STARD9: variants seen among roughly 807,000 people sequenced by gnomAD.
STARD9 encodes StAR related lipid transfer domain containing 9, also known as stAR-related lipid transfer protein 9.
A neutral mutation model predicts 399.8 loss-of-function variants in STARD9; 346 were observed. That is an observed-to-expected ratio of 0.87 (90% CI 0.79 to 0.95). The LOEUF (loss-of-function observed/expected upper bound fraction) is 0.95, where lower values mean the gene tolerates loss of function less well. Among genes scored for constraint, STARD9 ranks in the 40% least tolerant of loss-of-function variants. The probability of loss-of-function intolerance (pLI) is 0.00; values close to 1 mark genes in which losing one functional copy is unlikely to be tolerated. For missense variants in STARD9, 5,832 were observed against 5,667.5 expected (o/e 1.03, Z -0.93); for synonymous variants, 2,203 against 2,143.5 (o/e 1.03, Z -0.77).
chr15:42,655,834 C>T (rs1045156109), intron 9 of STARD9, among the ~76,000 whole-genome samples: 2 of 152,094 alleles, frequency 1.3e-5, no homozygotes, highest in Non-Finnish European at 2.9e-5. Context: ...ATGCATCCTA[C>T]GAAGGACTAA....
intron 3 of STARD9, among the ~76,000 whole-genome samples, chr15:42,609,398 A>G (rs1267772382): frequency 6.6e-6 from 1 of 151,484 alleles, no homozygotes; most frequent in Non-Finnish European, 1.5e-5. Context: ...TCTTTAGTAG[A>G]TCTGTGTCAT....
At position 42,689,827 on chromosome 15, in the gene STARD9, A is replaced by ATGAT; in HGVS notation, c.8250_8253dup (p.Asp2752Ter). On this transcript the variant is annotated frameshift_variant, in exon 23 of 33. Coordinates refer to ENST00000290607, the MANE Select transcript of STARD9 (RefSeq NM_020759.3). LOFTEE classifies it high-confidence loss of function. ...GCTGCCTTACCTTCTCAGGCCCCTT[A>ATGAT]TGATGATCCTAGAGTGACTCTGCAT... is the stretch of plus-strand genomic sequence containing the variant. 6.5e-7 allele frequency: 1 copy of ATGAT among 1,537,282 alleles called. No individual in the cohort carries two copies. Among genetic ancestry groups the ATGAT allele is most frequent in the Non-Finnish European group, 8.7e-7 (1 of 1,146,904 alleles).
intron 26 of STARD9, among the ~76,000 whole-genome samples, chr15:42,697,774 T>G (rs758857318): frequency 2.0e-5 from 3 of 152,086 alleles, no homozygotes; most frequent in Admixed American, 6.5e-5. Flanking sequence ...TCCCATCATA[T>G]CTCCTTATGC....
chr15:42,718,185 C>G lies in STARD9; in HGVS notation c.13762+6C>G. On this transcript the variant is annotated splice_donor_region_variant and intron_variant, in intron 30 of 32. Coordinates refer to ENST00000290607, the MANE Select transcript of STARD9 (RefSeq NM_020759.3). The stretch of plus-strand genomic sequence containing the variant: ...GACCAACAGCATCAGCCTGGGTGAG[C>G]CCAGGGAAGGAAGGCTTCCATGGGG... 6.5e-7 allele frequency: 1 copy of G among 1,535,450 alleles called. No individual in the cohort carries two copies. Among genetic ancestry groups the G allele is most frequent in the East Asian group, 2.4e-5 (1 of 40,876 alleles).
intron 26 of STARD9, among the ~76,000 whole-genome samples, chr15:42,710,008 A>ATT (rs2061175766): frequency 1.4e-5 from 2 of 142,834 alleles, no homozygotes; most frequent in Admixed American, 6.9e-5. Context: ...AGCTTTAATT[A>ATT]TTTGGAGTTC....
chr15:42,665,193 A>G lies in STARD9; in HGVS notation c.1177-60A>G, dbSNP rs1349617930. The stretch of plus-strand genomic sequence containing the variant: ...CTCTTCCCAGCCAATTGCAACTAGC[A>G]TTTCACAGCTGAGTGGGACTTGATA... On this transcript the variant is annotated intron_variant, in intron 13 of 32. Coordinates refer to ENST00000290607, the MANE Select transcript of STARD9 (RefSeq NM_020759.3). 4.4e-6 allele frequency: 6 copies of G among 1,353,330 alleles called. No homozygotes were observed. In the African/African-American group the frequency reaches 7.2e-5, roughly 16 times the overall value. 83.8% of individuals were successfully genotyped at this position (1,353,330 alleles called of 1,614,324 possible).
In STARD9 at chr15:42,651,054, A is replaced by G; in HGVS notation, c.598A>G (p.Ile200Val). The change falls in exon 8 of 33, where the codon ATC (isoleucine) becomes GTC (valine). Residue 200 changes from isoleucine (I) to valine (V), a missense_variant. Coordinates refer to ENST00000290607, the MANE Select transcript of STARD9 (RefSeq NM_020759.3). ...TGTAGTTACCAATTATAAGCAAGTA[A>G]TCCAACTCTTGGAGGAGGGAATTGC... ...QHVVTNYKQVIQLLEEGIANR... is the reference protein window; with the variant it reads ...QHVVTNYKQVVQLLEEGIANR... 1 of 1,535,310 alleles carries G rather than the reference A, an allele frequency of 6.5e-7. No individual in the cohort carries two copies. The highest frequency in any genetic ancestry group is 1.4e-5 in the African/African-American group (1 of 73,104).
chr15:42,691,784 T>C lies in STARD9; in HGVS notation c.10206T>C (p.Pro3402=), dbSNP rs150255045. ...CTACCGATCACAGGCACCTGAAGCCTGCCACCCCTCCTTATCCAATGCCTT... is the reference window on the plus strand; with the variant it reads ...CTACCGATCACAGGCACCTGAAGCCCGCCACCCCTCCTTATCCAATGCCTT... ...DGTTDHRHLK[P]ATPPYPMPST... The change falls in exon 23 of 33, where the codon CCT becomes CCC. Residue 3402 remains proline, a synonymous_variant. Coordinates refer to ENST00000290607, the MANE Select transcript of STARD9 (RefSeq NM_020759.3). 305 of 1,537,238 alleles carry C rather than the reference T, an allele frequency of 2.0e-4. 1 individual carries two copies. The African/African-American group carries it at 3.6e-3, about 18-fold the overall frequency.
At chr15:42,698,849 T>G (rs2060900047) in intron 26 of STARD9, among the ~76,000 whole-genome samples, 1 of 152,158 alleles carries the variant, frequency 6.6e-6, no homozygotes, top group South Asian at 2.1e-4. Context: ...GATGGCTATC[T>G]AGTTGTCCCT....
intron 15 of STARD9, among the ~76,000 whole-genome samples, chr15:42,667,330 T>G (rs1167604281): frequency 4.7e-5 from 7 of 150,164 alleles, no homozygotes; most frequent in Non-Finnish European, 1.0e-4. Context: ...GATTACAGGC[T>G]CACGCCACCA....
chr15:42,594,633 G>GA, intron 3 of STARD9, among the ~76,000 whole-genome samples: 1 of 152,126 alleles, frequency 6.6e-6, no homozygotes, highest in Middle Eastern at 3.4e-3. Context: ...ACAGTTAGAA[G>GA]TTTTTTTTGT....
chr15:42,684,123 C>T lies in STARD9; in HGVS notation c.2545C>T (p.Leu849=). ...CTTTCCTTGTCTTCACAGCATTTTC[C>T]TAAGTTGGGATCCCTCTACCACATT... is the stretch of plus-strand genomic sequence containing the variant. The part of the protein sequence containing the change: ...KHMPQLHSIF[L]SWDPSTTLPP... Residue 849 remains leucine, a synonymous_variant, in exon 23 of 33, where the codon CTA becomes TTA. Transcript: ENST00000290607. The T allele has an allele frequency of 6.6e-7, 1 of 1,524,462 alleles. No individual in the cohort carries two copies. Among genetic ancestry groups the T allele is most frequent in the Non-Finnish European group, 8.8e-7 (1 of 1,137,216 alleles). 94.4% of individuals were successfully genotyped at this position (1,524,462 alleles called of 1,614,324 possible). A position where few individuals can be genotyped will look rare whatever the true frequency, so the allele number is the denominator to read the frequency against.
chr15:42,664,637 G>A (rs1258520613), intron 13 of STARD9, among the ~76,000 whole-genome samples: 2 of 152,116 alleles, frequency 1.3e-5, no homozygotes, highest in African/African-American at 4.8e-5. Flanking sequence ...AAAGTGCTGG[G>A]GTTACAGGTG....
intron 17 of STARD9, 62 bp downstream of exon 17, chr15:42,674,553 T>C: frequency 7.0e-7 from 1 of 1,438,370 alleles, no homozygotes; most frequent in Non-Finnish European, 9.5e-7. Flanking sequence ...GAAAGGTTTC[T>C]TCGAGGACTT....
chr15:42,674,620 C>T (rs2060272063), intron 17 of STARD9, 129 bp downstream of exon 17: 1 of 1,192,004 alleles, frequency 8.4e-7, no homozygotes. Flanking sequence ...GCTTCTCTTT[C>T]TGCTGCTAGG....
At chr15:42,648,539 A>G (rs1273230565) in intron 7 of STARD9, among the ~76,000 whole-genome samples, 1 of 152,196 alleles carries the variant, frequency 6.6e-6, no homozygotes, top group Admixed American at 6.5e-5. Context: ...TTAGTCATTA[A>G]AAATTATACC....
At chr15:42,670,171 CCA>C (rs2060177689) in intron 16 of STARD9, 1 of 152,114 alleles carries the variant, frequency 6.6e-6, no homozygotes, top group African/African-American at 2.4e-5. Context: ...TCATTCAACC[CCA>C]AATAAACAGT....
At chr15:42,590,221 T>A (rs149335396) in intron 3 of STARD9, among the ~76,000 whole-genome samples, 4 of 150,566 alleles carry the variant, frequency 2.7e-5, no homozygotes, top group African/African-American at 9.8e-5. Flanking sequence ...CCTTGGCCTC[T>A]CAAAGTGCTG....
intron 3 of STARD9, among the ~76,000 whole-genome samples, chr15:42,632,436 A>G (rs533049646): frequency 7.9e-5 from 12 of 152,190 alleles, no homozygotes; most frequent in Admixed American, 7.8e-4. Flanking sequence ...ATTCAAAGTT[A>G]TTATTGATGA....
Sources: gnomAD v4.1 joint callset for allele counts (sites outside exome capture counted in the v4.1 genomes callset) on GRCh38, gnomAD v4.1.1 for gene constraint, MANE v1.5 for transcripts, NCBI Gene and HGNC (gene_info 2026-07-23, HGNC 2026-07-21) for gene names.